Variants in ABR observed in about 807,000 individuals in gnomAD.
The protein encoded by ABR is active breakpoint cluster region-related protein.
Under a neutral mutation model 107.2 loss-of-function variants are expected in ABR, and 35 were observed. That is an observed-to-expected ratio of 0.33 (90% confidence interval 0.25 to 0.43). The LOEUF is 0.43. ABR is among the 20% of genes least tolerant of loss of function. The probability of loss-of-function intolerance (pLI) is 1.00; values close to 1 mark genes in which losing one functional copy is unlikely to be tolerated. For synonymous variants in ABR, 498 were observed against 462.0 expected (o/e 1.08, Z -1.00); for missense variants, 815 against 1,115.2 (o/e 0.73, Z 3.83).
At chr17:1,211,320 A>C (rs1312131249) in intron 1 of ABR, among the ~76,000 whole-genome samples, 1 of 150,560 alleles carries the variant, frequency 6.6e-6, no homozygotes, top group African/African-American at 2.4e-5. Context: ...TAAATAATGA[A>C]AAATAAATAA....
intron 18 of ABR, 21 bp downstream of exon 18, chr17:1,012,667 G>A (rs2070723625): frequency 6.4e-7 from 1 of 1,550,598 alleles, no homozygotes; most frequent in Non-Finnish European, 8.7e-7. Flanking sequence ...CCAGGACTGG[G>A]AGACCCGAGG....
chr17:1,023,751 G>A (rs1398868958), intron 16 of ABR, among the ~76,000 whole-genome samples: 5 of 152,138 alleles, frequency 3.3e-5, no homozygotes, highest in Admixed American at 1.3e-4. Flanking sequence ...AGGGCTGGGC[G>A]CGGTGGTTCA....
At chr17:1,042,374 A>C (rs1030338194) in intron 16 of ABR, among the ~76,000 whole-genome samples, 13 of 151,768 alleles carry the variant, frequency 8.6e-5, no homozygotes, top group Non-Finnish European at 1.8e-4. Flanking sequence ...CGGATGGATA[A>C]ACAGACGTGG....
In ABR at chr17:1,132,509, G is replaced by T. The variant is rs948393525; in HGVS notation, c.62-7142C>A. On this transcript the variant is annotated intron_variant, in intron 1 of 22. Transcript: ENST00000302538. Reference sequence around the variant, plus strand: ...TTCTCCCGTCTCAGCCTCCCGAGTAGCTGGGATTATAGGCATGCACCACCA... The same window carrying T: ...TTCTCCCGTCTCAGCCTCCCGAGTATCTGGGATTATAGGCATGCACCACCA... Among the ~76,000 whole-genome samples, 4 of 151,334 alleles carry T rather than the reference G, an allele frequency of 2.6e-5. No individual in the cohort carries two copies. In the Admixed American group the frequency reaches 2.6e-4, roughly 10 times the overall value.
At chr17:1,090,690 C>T (rs1320253136) in intron 4 of ABR, among the ~76,000 whole-genome samples, 2 of 152,134 alleles carry the variant, frequency 1.3e-5, no homozygotes, top group South Asian at 2.1e-4. Context: ...TCTTCTCCAG[C>T]GTGAGAAAGG....
intron 1 of ABR, among the ~76,000 whole-genome samples, chr17:1,127,867 G>GC (rs1482798170): frequency 2.0e-5 from 3 of 152,192 alleles, no homozygotes; most frequent in African/African-American, 7.2e-5. Flanking sequence ...AGGACCACGG[G>GC]CCCTGCCATC....
intron 1 of ABR, among the ~76,000 whole-genome samples, chr17:1,203,073 A>G (rs897649421): frequency 6.6e-6 from 1 of 152,036 alleles, no homozygotes; most frequent in African/African-American, 2.4e-5. Context: ...TTTAGTAGCG[A>G]CGAGGTTTCA....
At chr17:1,008,975 C>T (rs571389549) in intron 21 of ABR, among the ~76,000 whole-genome samples, 1 of 152,192 alleles carries the variant, frequency 6.6e-6, no homozygotes, top group South Asian at 2.1e-4. Context: ...GCTACTAACC[C>T]AAGCAAGTCT....
At chr17:1,097,296 T>C (rs546214959) in intron 3 of ABR, among the ~76,000 whole-genome samples, 1 of 152,274 alleles carries the variant, frequency 6.6e-6, no homozygotes, top group East Asian at 1.9e-4. Context: ...GGCTGTGTTC[T>C]AAGAGCTTTA....
At chr17:1,014,790 G>A (rs530205648) in intron 16 of ABR, among the ~76,000 whole-genome samples, 2 of 152,056 alleles carry the variant, frequency 1.3e-5, no homozygotes, top group Admixed American at 1.3e-4. Flanking sequence ...AGGTTGCAGT[G>A]AGCGGAGATC....
intron 1 of ABR, chr17:1,228,143 G>A (rs1437304897): frequency 6.6e-6 from 1 of 152,200 alleles, no homozygotes; most frequent in African/African-American, 2.4e-5. Context: ...AAAACGAGAT[G>A]GGCCTAAGCC....
chr17:1,050,465 CCG>C lies in ABR; in HGVS notation c.1659+70_1659+71del. On this transcript the variant is annotated intron_variant, in intron 15 of 22. Coordinates refer to ENST00000302538, the MANE Select transcript of ABR (RefSeq NM_021962.5). The surrounding 1 kb of genome is among the most constrained non-coding windows in gnomAD (Gnocchi z 4.6). ...ATAGCTGGTCCAACCAATGGGCTGGCCGTCCCCAGCAGACAAGCCACGAGCAC... is the reference window on the plus strand; with the variant it reads ...ATAGCTGGTCCAACCAATGGGCTGGCTCCCCAGCAGACAAGCCACGAGCAC... 1 of 1,393,616 alleles carries C rather than the reference CCG, an allele frequency of 7.2e-7. No homozygotes were observed. The highest frequency in any genetic ancestry group is 1.0e-6 in the Non-Finnish European group (1 of 980,886). 86.3% of individuals were successfully genotyped at this position (1,393,616 alleles called of 1,614,324 possible).
At position 1,005,751 on chromosome 17, in the gene ABR, CG is replaced by C; in HGVS notation, c.*328del. On this transcript the variant is annotated 3_prime_UTR_variant, in exon 23 of 23. Transcript: ENST00000302538. ...TGCTGGAGGAAATGAAAGAACAAAG[CG>C]GGCTGTCTGTGTGCCCACGCCGGGC... The C allele has an allele frequency of 2.7e-6, 1 of 371,750 alleles. No individual in the cohort carries two copies. The highest frequency in any genetic ancestry group is 5.0e-6 in the Non-Finnish European group (1 of 201,494). The allele number at this position is 371,750 out of a possible 1,614,324, so 23.0% of individuals were successfully genotyped here.
intron 12 of ABR, 114 bp downstream of exon 12, chr17:1,057,856 G>A (rs2033514266): frequency 2.2e-6 from 2 of 923,370 alleles, no homozygotes; most frequent in East Asian, 4.9e-5. Context: ...TGGCACCTCT[G>A]AGGGTGACTG....
chr17:1,126,697 G>T (rs2039618742), intron 1 of ABR, among the ~76,000 whole-genome samples: 1 of 152,168 alleles, frequency 6.6e-6, no homozygotes, highest in African/African-American at 2.4e-5. Flanking sequence ...CCTGCCATCT[G>T]CCCAGACATC....
chr17:1,011,994 G>A lies in ABR; in HGVS notation c.1962-9C>T. The A allele has an allele frequency of 1.2e-6, 2 of 1,611,896 alleles. No homozygotes were observed. The highest frequency in any genetic ancestry group is 1.7e-6 in the Non-Finnish European group (2 of 1,178,486). ...CCTTGGAGCGCTCCCGCCTGGGGTG[G>A]AGCGTGAGGATGGGTGGAGGGCAGC... On this transcript the variant is annotated splice_polypyrimidine_tract_variant and intron_variant, in intron 18 of 22. Coordinates refer to ENST00000302538, the MANE Select transcript of ABR (RefSeq NM_021962.5). The surrounding 1 kb of genome is among the most constrained non-coding windows in gnomAD (Gnocchi z 4.8).
At chr17:1,187,070 C>A (rs1293230540) in exon 1 of ABR, 1 of 152,464 alleles carries the variant, frequency 6.6e-6, no homozygotes, top group Non-Finnish European at 1.5e-5. Flanking sequence ...GGACCTCTGA[C>A]ACCACCCACC....
At chr17:1,038,202 G>A (rs1433509206) in intron 16 of ABR, among the ~76,000 whole-genome samples, 1 of 152,018 alleles carries the variant, frequency 6.6e-6, no homozygotes, top group African/African-American at 2.4e-5. Flanking sequence ...TCAGCGCCCC[G>A]CCCTCCTTTC....
intron 16 of ABR, among the ~76,000 whole-genome samples, chr17:1,028,753 C>G (rs9902416): frequency 0.66 from 99,963 of 152,104 alleles, 32,928 homozygotes; most frequent in East Asian, 0.73. Flanking sequence ...AATCTCCTTA[C>G]ACCCTGCCGG....
Sources: allele counts gnomAD v4.1 joint callset (sites outside exome capture counted in the v4.1 genomes callset), GRCh38; gene constraint gnomAD v4.1.1; non-coding constraint Gnocchi (gnomAD v3.1); transcripts MANE v1.5; gene names NCBI Gene and HGNC (gene_info 2026-07-23, HGNC 2026-07-21).